Variants in TANC2 observed in about 807,000 individuals in gnomAD.
TANC2 encodes the protein protein TANC2.
TANC2 carries 26 observed loss-of-function variants against 210.5 expected under a neutral mutation model. That is an observed-to-expected ratio of 0.12 (90% CI 0.09 to 0.17). TANC2 has a LOEUF of 0.17. Ranked by LOEUF, TANC2 falls within the 10% of genes least tolerant of loss-of-function variation. The pLI is 1.00. For missense variants in TANC2, 2,129 were observed against 2,608.9 expected (o/e 0.82, Z 4.01); for synonymous variants, 931 against 967.1 (o/e 0.96, Z 0.69).
chr17:63,406,931 T>G (rs892075462), intron 21 of TANC2, among the ~76,000 whole-genome samples: 1 of 152,218 alleles, frequency 6.6e-6, no homozygotes, highest in Admixed American at 6.5e-5. Flanking sequence ...TGCCATCTAG[T>G]GGAGCTTGAG....
chr17:63,186,167 G>A (rs549875623), intron 5 of TANC2, among the ~76,000 whole-genome samples: 2 of 152,232 alleles, frequency 1.3e-5, no homozygotes, highest in South Asian at 4.2e-4. Context: ...TCATGTTACT[G>A]AAACACTGCA....
chr17:63,395,952 T>C (rs751433908), intron 18 of TANC2, 24 bp downstream of exon 18: 16 of 1,583,868 alleles, frequency 1.0e-5, no homozygotes, highest in Non-Finnish European at 1.3e-5. Flanking sequence ...AATAGGATTG[T>C]TTTTTCAAGC....
chr17:63,253,782 A>G (rs72845221), intron 8 of TANC2, among the ~76,000 whole-genome samples: 23,173 of 151,920 alleles, frequency 0.15, 2,099 homozygotes, highest in Middle Eastern at 0.21. Flanking sequence ...ACCCACACCC[A>G]ACTAATTTTT....
chr17:63,008,088 A>G (rs1322655000), intron 1 of TANC2, among the ~76,000 whole-genome samples: 1 of 150,386 alleles, frequency 6.6e-6, no homozygotes, highest in Non-Finnish European at 1.5e-5. Flanking sequence ...GCTACTTTAA[A>G]TGTGTTTTTT....
At chr17:63,329,777 G>A (rs1036198871) in intron 11 of TANC2, among the ~76,000 whole-genome samples, 4 of 152,056 alleles carry the variant, frequency 2.6e-5, no homozygotes, top group African/African-American at 9.7e-5. Flanking sequence ...GTCTCCTTGG[G>A]CCTCCCTATT....
intron 4 of TANC2, among the ~76,000 whole-genome samples, chr17:63,140,624 G>T (rs532963334): frequency 6.6e-6 from 1 of 152,304 alleles, no homozygotes; most frequent in East Asian, 1.9e-4. Flanking sequence ...ATGGAGACCA[G>T]GATATTGGTG....
chr17:63,193,846 AGTC>A, intron 5 of TANC2, 142 bp from the exon 6 acceptor site: 1 of 779,082 alleles, frequency 1.3e-6, no homozygotes, highest in South Asian at 3.6e-5. Flanking sequence ...GGGAGTGAGT[AGTC>A]CAAGAAAAAC....
intron 12 of TANC2, among the ~76,000 whole-genome samples, chr17:63,344,107 T>C (rs2046324569): frequency 6.6e-6 from 1 of 152,134 alleles, no homozygotes; most frequent in Admixed American, 6.5e-5. Context: ...CCGCCTGAGC[T>C]CCGCCTTCTG....
At chr17:63,026,529 T>A (rs2034560580) in intron 2 of TANC2, among the ~76,000 whole-genome samples, 1 of 152,126 alleles carries the variant, frequency 6.6e-6, no homozygotes, top group Non-Finnish European at 1.5e-5. Flanking sequence ...AAGATTTGTT[T>A]ACTAGAGTGG....
chr17:63,296,269 C>T (rs2044533147), intron 9 of TANC2, among the ~76,000 whole-genome samples: 1 of 152,072 alleles, frequency 6.6e-6, no homozygotes, highest in South Asian at 2.1e-4. Flanking sequence ...TACTCAATTT[C>T]AGCATTTAAT....
rs1299603665 is a variant in TANC2 at position 63,420,316 on chromosome 17, C to T, written c.4586C>T (p.Ser1529Phe). 1.2e-6 allele frequency: 2 copies of T among 1,613,948 alleles called. No homozygotes were observed. The highest frequency in any genetic ancestry group is 8.5e-7 in the Non-Finnish European group (1 of 1,179,872). ...CTCCCGGTCATCCAGAGCCCACCCT[C>T]CTCTCCCCCGCATCGGGACTCAGCC... Residue 1529 changes from serine to phenylalanine, a missense_variant, in exon 28 of 28, where the codon TCC becomes TTC. Ser to Phe is a radical substitution (Grantham distance 155, BLOSUM62 -2). Transcript: ENST00000689528. This position sits in a 1 kb window ranked among gnomAD's most constrained non-coding sequence, Gnocchi z 4.2.
intron 5 of TANC2, among the ~76,000 whole-genome samples, chr17:63,167,911 A>G (rs1481363515): frequency 2.9e-5 from 4 of 137,448 alleles, no homozygotes; most frequent in Admixed American, 1.4e-4. Flanking sequence ...AAAAAAAAAG[A>G]AAAGGAAAGA....
chr17:63,349,829 G>A (rs2046539732), intron 12 of TANC2, among the ~76,000 whole-genome samples: 1 of 152,184 alleles, frequency 6.6e-6, no homozygotes, highest in Admixed American at 6.5e-5. Flanking sequence ...GTAAATCCCA[G>A]TTAGTTCCAA....
intron 8 of TANC2, among the ~76,000 whole-genome samples, chr17:63,266,336 GTATT>G (rs1234952009): frequency 6.6e-5 from 10 of 152,020 alleles, no homozygotes; most frequent in African/African-American, 2.4e-4. Flanking sequence ...TATGGTAAAA[GTATT>G]GTTACGGCAC....
At chr17:63,031,442 T>G (rs1008336963) in intron 2 of TANC2, among the ~76,000 whole-genome samples, 1 of 152,116 alleles carries the variant, frequency 6.6e-6, no homozygotes, top group Non-Finnish European at 1.5e-5. Context: ...GCTTCAAAAA[T>G]TTACATCACA....
chr17:63,092,132 A>G (rs2037220988), intron 3 of TANC2, among the ~76,000 whole-genome samples: 2 of 152,144 alleles, frequency 1.3e-5, no homozygotes, highest in Admixed American at 1.3e-4. Context: ...CAATTTGTTC[A>G]TTCATCAGTT....
chr17:63,169,490 T>C (rs1404993694), intron 5 of TANC2, among the ~76,000 whole-genome samples: 3 of 152,186 alleles, frequency 2.0e-5, no homozygotes, highest in Non-Finnish European at 4.4e-5. Context: ...TGATACTGTC[T>C]TGGTGATTCA....
intron 3 of TANC2, among the ~76,000 whole-genome samples, chr17:63,088,010 A>G (rs1347953193): frequency 2.6e-5 from 4 of 152,224 alleles, no homozygotes; most frequent in Admixed American, 2.6e-4. Context: ...AACTAGAATT[A>G]AGCTCTATGC....
intron 2 of TANC2, among the ~76,000 whole-genome samples, chr17:63,020,885 G>A (rs2034317719): frequency 1.3e-5 from 2 of 152,278 alleles, no homozygotes; most frequent in South Asian, 4.1e-4. Context: ...AGGTGAAGCA[G>A]GATCAAGTGT....
Sources: gnomAD v4.1 joint callset for allele counts (sites outside exome capture counted in the v4.1 genomes callset) on GRCh38, gnomAD v4.1.1 for gene constraint, Gnocchi (gnomAD v3.1) non-coding constraint, MANE v1.5 for transcripts, NCBI Gene and HGNC (gene_info 2026-07-23, HGNC 2026-07-21) for gene names.